The following DRC11 variants were observed in gnomAD, a reference collection of about 807,000 sequenced individuals.
DRC11 encodes dynein regulatory complex subunit 11, also known as IQ and AAA domain-containing protein 1.
chr2:236,459,624 C>CATACGTATATACGTATATATGTAT, the DRC11 span, among the ~76,000 whole-genome samples: 2 of 82,652 alleles, frequency 2.4e-5, no homozygotes, highest in African/African-American at 9.0e-5. Context: ...TAAGTATATA[C>CATACGTATATACGTATATATGTAT]ATACGTATAT....
the DRC11 span, among the ~76,000 whole-genome samples, chr2:236,417,472 T>C: frequency 6.6e-6 from 1 of 151,990 alleles, no homozygotes; most frequent in East Asian, 1.9e-4. Flanking sequence ...GCTGGGTCAC[T>C]GCCTCTCAAC....
the DRC11 span, among the ~76,000 whole-genome samples, chr2:236,317,242 G>A: frequency 0.032 from 4,818 of 152,064 alleles, 250 homozygotes; most frequent in African/African-American, 0.11. The surrounding 1 kb of genome is among the most constrained non-coding windows in gnomAD (Gnocchi z 5.4). Context: ...ATTACAGTGA[G>A]CTGAGATCGC....
chr2:236,408,270 A>C, the DRC11 span: 1,378 of 858,150 alleles, frequency 1.6e-3, 12 homozygotes, highest in African/African-American at 0.02. The surrounding 1 kb of genome is among the most constrained non-coding windows in gnomAD (Gnocchi z 5.5). Context: ...TCTGCCCAGC[A>C]CGTGCCACAG....
the DRC11 span, among the ~76,000 whole-genome samples, chr2:236,358,477 T>C: frequency 1.4e-5 from 2 of 142,736 alleles, no homozygotes; most frequent in Non-Finnish European, 3.0e-5. Flanking sequence ...TGATAAATAT[T>C]TGACAAATGA....
At chr2:236,324,426 T>A in the DRC11 span, 1 of 328,622 alleles carries the variant, frequency 3.0e-6, no homozygotes. This position sits in a 1 kb window ranked among gnomAD's most constrained non-coding sequence, Gnocchi z 5.7. Flanking sequence ...AAACTTGGCG[T>A]GGATTAAAGC....
At chr2:236,364,947 C>T in the DRC11 span, among the ~76,000 whole-genome samples, 1 of 152,114 alleles carries the variant, frequency 6.6e-6, no homozygotes, top group Non-Finnish European at 1.5e-5. Context: ...TAGTTTTGAG[C>T]AAATTCTCTT....
At chr2:236,491,246 G>GTATATATA in the DRC11 span, among the ~76,000 whole-genome samples, 129 of 23,718 alleles carry the variant, frequency 5.4e-3, 5 homozygotes, top group African/African-American at 0.013. Context: ...TATATACACA[G>GTATATATA]TATATATATA....
At chr2:236,363,679 A>T in the DRC11 span, 1 of 904,758 alleles carries the variant, frequency 1.1e-6, no homozygotes, top group African/African-American at 1.7e-5. This position sits in a 1 kb window ranked among gnomAD's most constrained non-coding sequence, Gnocchi z 5.6. Context: ...GAGGAAATTT[A>T]AGACAGTCAT....
At chr2:236,332,725 A>C in the DRC11 span, 2 of 152,220 alleles carry the variant, frequency 1.3e-5, no homozygotes, top group Non-Finnish European at 2.9e-5. This position sits in a 1 kb window ranked among gnomAD's most constrained non-coding sequence, Gnocchi z 5.1. Context: ...ATGGCCTATA[A>C]TGTAACTATG....
the DRC11 span, among the ~76,000 whole-genome samples, chr2:236,345,724 T>C: frequency 6.6e-6 from 1 of 152,228 alleles, no homozygotes; most frequent in East Asian, 1.9e-4. Flanking sequence ...AAAGCACCCC[T>C]GTGATAGCGA....
the DRC11 span, among the ~76,000 whole-genome samples, chr2:236,501,001 C>T: frequency 4.6e-5 from 7 of 152,222 alleles, no homozygotes; most frequent in East Asian, 1.4e-3. Flanking sequence ...CCCAGCAAGA[C>T]TGGGTAATTT....
the DRC11 span, among the ~76,000 whole-genome samples, chr2:236,384,933 CTTGT>C: frequency 1.3e-5 from 2 of 151,566 alleles, no homozygotes; most frequent in Non-Finnish European, 1.5e-5. Flanking sequence ...TTCCCCATTG[CTTGT>C]TTTTCTCAGG....
chr2:236,335,673 A>G, the DRC11 span, among the ~76,000 whole-genome samples: 2,604 of 152,324 alleles, frequency 0.017, 77 homozygotes, highest in African/African-American at 0.06. The surrounding 1 kb of genome is among the most constrained non-coding windows in gnomAD (Gnocchi z 5.6). Context: ...TTCTGTCCAG[A>G]GTCCAGAATA....
At chr2:236,364,029 G>A in the DRC11 span, 14 of 1,525,050 alleles carry the variant, frequency 9.2e-6, no homozygotes, top group Non-Finnish European at 1.2e-5. Context: ...GAAAATCAGT[G>A]GTTCTTCAAC....
the DRC11 span, chr2:236,363,648 T>C: frequency 4.1e-6 from 3 of 729,898 alleles, no homozygotes; most frequent in African/African-American, 1.8e-5. The surrounding 1 kb of genome is among the most constrained non-coding windows in gnomAD (Gnocchi z 5.6). Flanking sequence ...AATAATGAAG[T>C]AATTTGCAGG....
At chr2:236,450,445 G>A in the DRC11 span, among the ~76,000 whole-genome samples, 2 of 149,430 alleles carry the variant, frequency 1.3e-5, no homozygotes, top group East Asian at 2.0e-4. Context: ...TCAGCCTCCC[G>A]AGTACCTGGG....
the DRC11 span, among the ~76,000 whole-genome samples, chr2:236,357,779 A>T: frequency 7.9e-6 from 1 of 126,448 alleles, no homozygotes; most frequent in Non-Finnish European, 1.5e-5. Context: ...ATGTAAATAT[A>T]TGTTATATAT....
chr2:236,388,044 T>A, the DRC11 span, among the ~76,000 whole-genome samples: 1 of 152,230 alleles, frequency 6.6e-6, no homozygotes, highest in African/African-American at 2.4e-5. Context: ...GTTAGTCTGA[T>A]GGGCTTCCCT....
the DRC11 span, among the ~76,000 whole-genome samples, chr2:236,468,898 C>T: frequency 1.3e-5 from 2 of 152,190 alleles, no homozygotes; most frequent in Non-Finnish European, 2.9e-5. Context: ...CTCCAAATTA[C>T]GTTGTTCCTG....
Sources: allele counts gnomAD v4.1 joint callset (sites outside exome capture counted in the v4.1 genomes callset), GRCh38; gene constraint gnomAD v4.1.1; non-coding constraint Gnocchi (gnomAD v3.1); transcripts MANE v1.5; gene names NCBI Gene and HGNC (gene_info 2026-07-23, HGNC 2026-07-21).